Variants in TTBK2 observed in about 807,000 individuals in gnomAD.
The protein encoded by TTBK2 is tau tubulin kinase 2.
In TTBK2, 28 loss-of-function variants were observed where a neutral mutation model predicts 110.8. The observed-to-expected ratio is 0.25, with a 90% CI of 0.19 to 0.35. The LOEUF is 0.35. Ranked by LOEUF, TTBK2 falls within the 10% of genes least tolerant of loss-of-function variation. The probability of loss-of-function intolerance (pLI) is 1.00; values close to 1 mark genes in which losing one functional copy is unlikely to be tolerated. For missense variants in TTBK2, 1,369 were observed against 1,500.3 expected, an observed-to-expected ratio of 0.91 and a Z score of 1.45; for synonymous variants, 532 against 527.3, an observed-to-expected ratio of 1.01 and a Z score of -0.12.
At position 42,836,511 on chromosome 15, in the gene TTBK2, T is replaced by C. The variant is rs575122259; in HGVS notation, c.291+3849A>G. On this transcript the variant is annotated intron_variant, in intron 4 of 14. Coordinates refer to ENST00000267890, the MANE Select transcript of TTBK2 (RefSeq NM_173500.4). ...GATGGGAGTTTAAATGGGTTAACTT[T>C]CTTGTGACAGGAAAAAAATATAGCA... Among the ~76,000 whole-genome samples the C allele has an allele frequency of 4.6e-5, 7 of 152,256 alleles. No individual in the cohort carries two copies. In the East Asian group the frequency reaches 1.3e-3, roughly 29 times the overall value.
intron 2 of TTBK2, among the ~76,000 whole-genome samples, chr15:42,874,845 G>C (rs1894753118): frequency 6.6e-6 from 1 of 151,692 alleles, no homozygotes; most frequent in Non-Finnish European, 1.5e-5. Context: ...AATTAGCCGG[G>C]CGTGGTGGCA....
At chr15:42,764,824 C>T (rs577558168) in intron 13 of TTBK2, among the ~76,000 whole-genome samples, 175 of 152,348 alleles carry the variant, frequency 1.1e-3, no homozygotes, top group African/African-American at 4.0e-3. Context: ...CCCTGACACC[C>T]GTGTAGCCTA....
At chr15:42,902,177 T>C (rs546200376) in intron 1 of TTBK2, among the ~76,000 whole-genome samples, 3 of 148,476 alleles carry the variant, frequency 2.0e-5, no homozygotes, top group African/African-American at 7.5e-5. Context: ...GATCGTGCCA[T>C]TGCCCTCCAG....
chr15:42,776,954 CAAT>C (rs1889950505), intron 12 of TTBK2, 74 bp downstream of exon 12: 1 of 1,470,156 alleles, frequency 6.8e-7, no homozygotes, highest in Non-Finnish European at 9.5e-7. Context: ...CAGAAATATA[CAAT>C]AATAATAACA....
At chr15:42,821,151 T>C (rs1054448466) in intron 6 of TTBK2, among the ~76,000 whole-genome samples, 1 of 152,210 alleles carries the variant, frequency 6.6e-6, no homozygotes, top group Non-Finnish European at 1.5e-5. Context: ...ATGCTACCTT[T>C]TGAATCAAAA....
At chr15:42,842,435 T>C (rs1893258079) in intron 3 of TTBK2, among the ~76,000 whole-genome samples, 1 of 151,400 alleles carries the variant, frequency 6.6e-6, no homozygotes. Flanking sequence ...GGTTAAAGAG[T>C]AAAGAGAATA....
chr15:42,812,802 TA>T (rs1254512516), intron 7 of TTBK2, among the ~76,000 whole-genome samples: 6 of 151,686 alleles, frequency 4.0e-5, no homozygotes, highest in African/African-American at 1.5e-4. Flanking sequence ...GGAAAATGAT[TA>T]AAAAGAACAT....
At chr15:42,805,261 T>C (rs980040894) in intron 9 of TTBK2, among the ~76,000 whole-genome samples, 1 of 152,054 alleles carries the variant, frequency 6.6e-6, no homozygotes, top group Admixed American at 6.6e-5. Flanking sequence ...CTTGAGAAAA[T>C]TGAGATAAAT....
At chr15:42,857,915 T>G (rs1467131736) in intron 3 of TTBK2, among the ~76,000 whole-genome samples, 1 of 151,856 alleles carries the variant, frequency 6.6e-6, no homozygotes, top group Non-Finnish European at 1.5e-5. Context: ...AAACTCTGTC[T>G]CTACTAAAAA....
chr15:42,792,567 T>TTTTA (rs1212519852), intron 10 of TTBK2, among the ~76,000 whole-genome samples: 1 of 152,172 alleles, frequency 6.6e-6, no homozygotes, highest in African/African-American at 2.4e-5. Flanking sequence ...CTAGCACTGG[T>TTTTA]TTTATTTATT....
intron 13 of TTBK2, among the ~76,000 whole-genome samples, chr15:42,759,186 C>T (rs1476975491): frequency 2.0e-5 from 3 of 152,206 alleles, no homozygotes; most frequent in Admixed American, 6.5e-5. Flanking sequence ...GAAAACTAAC[C>T]CCTGCCATGC....
intron 3 of TTBK2, chr15:42,855,007 AAAGTC>A (rs1893871861): frequency 6.6e-6 from 1 of 152,220 alleles, no homozygotes; most frequent in Non-Finnish European, 1.5e-5. Context: ...GCATAATATA[AAAGTC>A]AAGTTTAAAT....
At chr15:42,832,034 G>C (rs975484183) in intron 4 of TTBK2, among the ~76,000 whole-genome samples, 2 of 151,986 alleles carry the variant, frequency 1.3e-5, no homozygotes, top group African/African-American at 4.8e-5. Flanking sequence ...TTCATACTTC[G>C]TACCTTCTTT....
At chr15:42,746,310 T>TTTTTAGGCACACTTG in intron 14 of TTBK2, 53 bp from the exon 15 acceptor site, 1 of 1,412,624 alleles carries the variant, frequency 7.1e-7, no homozygotes, top group Non-Finnish European at 9.7e-7. Context: ...CAAGTGTGCC[T>TTTTTAGGCACACTTG]AAAAAGTCAC....
At chr15:42,759,658 C>A (rs2061996119) in intron 13 of TTBK2, among the ~76,000 whole-genome samples, 1 of 152,162 alleles carries the variant, frequency 6.6e-6, no homozygotes, top group Non-Finnish European at 1.5e-5. Flanking sequence ...CAAACATCAC[C>A]AGCATGGGTT....
At chr15:42,763,157 CATATATATATATATATATATAT>C (rs1567008803) in intron 13 of TTBK2, among the ~76,000 whole-genome samples, 210 of 20,476 alleles carry the variant, frequency 0.01, no homozygotes, top group Middle Eastern at 0.062. Flanking sequence ...TATATATATA[CATATATATATATATATATATAT>C]ATATATATAT....
intron 4 of TTBK2, among the ~76,000 whole-genome samples, 191 bp from the exon 5 acceptor site, chr15:42,830,269 C>A (rs1322151273): frequency 6.6e-6 from 1 of 151,788 alleles, no homozygotes; most frequent in Non-Finnish European, 1.5e-5. Flanking sequence ...CTCACTGCAA[C>A]CTCCACCTCC....
intron 13 of TTBK2, among the ~76,000 whole-genome samples, chr15:42,763,957 G>A (rs1356683543): frequency 6.6e-6 from 1 of 152,080 alleles, no homozygotes; most frequent in African/African-American, 2.4e-5. Context: ...AATTTTGTGG[G>A]ACTACTAAAA....
At chr15:42,755,060 A>AC (rs1281908578) in intron 13 of TTBK2, among the ~76,000 whole-genome samples, 5 of 149,662 alleles carry the variant, frequency 3.3e-5, no homozygotes, top group Non-Finnish European at 7.4e-5. Flanking sequence ...GTGAAAATCT[A>AC]CCCCCCTTCC....
Sources: gnomAD v4.1 joint callset for allele counts (sites outside exome capture counted in the v4.1 genomes callset) on GRCh38, gnomAD v4.1.1 for gene constraint, MANE v1.5 for transcripts, NCBI Gene and HGNC (gene_info 2026-07-23, HGNC 2026-07-21) for gene names.